The following PKIG variants were observed in gnomAD, a reference collection of about 807,000 sequenced individuals.
PKIG encodes cAMP-dependent protein kinase inhibitor gamma.
A neutral mutation model predicts 6.8 loss-of-function variants in PKIG; 1 was observed. The observed-to-expected ratio is 0.15, with a 90% CI of 0.05 to 0.69. The LOEUF is 0.69. Among genes scored for constraint, PKIG ranks in the 30% least tolerant of loss-of-function variants. The pLI is 0.82. For synonymous variants in PKIG, 39 were observed against 43.0 expected (o/e 0.91, Z 0.36); for missense variants, 77 against 104.0 (o/e 0.74, Z 1.13).
In PKIG at chr20:44,537,600, CAG is replaced by C. The variant is rs1291973200; in HGVS notation, c.-241+5625_-241+5626del. Among the ~76,000 whole-genome samples the C allele has an allele frequency of 2.0e-5, 3 of 149,396 alleles. No homozygotes were observed. In the South Asian group the frequency reaches 6.3e-4, roughly 32 times the overall value. ...TACTTACTTTTTTTTTTTTTTGAGA[CAG>C]AGTCTCACTCTGTCCCTCAGGCTGG... On this transcript the variant is annotated intron_variant, in intron 1 of 4. Transcript: ENST00000372887.
In PKIG at chr20:44,610,500, T is replaced by TCACACACACACACACACACACA. The variant is rs559846553; in HGVS notation, c.-23-4026_-23-4005dup. On this transcript the variant is annotated intron_variant, in intron 2 of 3. Transcript: ENST00000372886. ...TCTCTCTCTCTTCTCTCTCTCTCTCTCACACACACACACACACACACACAC... is the reference window on the plus strand; with the variant it reads ...TCTCTCTCTCTTCTCTCTCTCTCTCTCACACACACACACACACACACACACACACACACACACACACACACAC... Among the ~76,000 whole-genome samples the TCACACACACACACACACACACA allele has an allele frequency of 7.4e-3, 1,008 of 135,406 alleles. 7 individuals are homozygous for TCACACACACACACACACACACA. The highest frequency in any genetic ancestry group is 0.017 in the South Asian group (75 of 4,326). The allele number at this position is 135,406 out of a possible 152,430, so 88.8% of individuals were successfully genotyped here.
chr20:44,547,687 C>T (rs539017457), intron 1 of PKIG, among the ~76,000 whole-genome samples: 4 of 152,180 alleles, frequency 2.6e-5, no homozygotes, highest in African/African-American at 7.2e-5. Context: ...GGACACCGAC[C>T]TTTCTGAGCT....
At chr20:44,570,733 G>T (rs1410417652) in intron 1 of PKIG, among the ~76,000 whole-genome samples, 1 of 152,146 alleles carries the variant, frequency 6.6e-6, no homozygotes, top group Non-Finnish European at 1.5e-5. Context: ...GCAGTGAAAG[G>T]CAGTAAAGAA....
At chr20:44,603,247 G>C (rs2065137056) in intron 2 of PKIG, among the ~76,000 whole-genome samples, 1 of 152,152 alleles carries the variant, frequency 6.6e-6, no homozygotes, top group South Asian at 2.1e-4. Context: ...TGAATGAAAT[G>C]TCCAAAGGCA....
intron 3 of PKIG, among the ~76,000 whole-genome samples, chr20:44,616,361 C>A (rs1420488905): frequency 1.3e-5 from 2 of 152,200 alleles, no homozygotes; most frequent in Non-Finnish European, 2.9e-5. Flanking sequence ...GTGTTTGGCA[C>A]ATGATGGAGG....
chr20:44,578,629 G>A (rs575532153), upstream of PKIG, among the ~76,000 whole-genome samples: 106 of 152,246 alleles, frequency 7.0e-4, 2 homozygotes, highest in Middle Eastern at 0.017. Flanking sequence ...AGCTTCCTAA[G>A]GCCTCACCAG....
intron 2 of PKIG, among the ~76,000 whole-genome samples, chr20:44,593,874 C>T (rs1473839291): frequency 6.6e-6 from 1 of 152,096 alleles, no homozygotes; most frequent in African/African-American, 2.4e-5. Context: ...CTTAATAAAA[C>T]TGAAAAAAAT....
At chr20:44,576,296 A>G (rs2064897612) in intron 1 of PKIG, among the ~76,000 whole-genome samples, 2 of 151,662 alleles carry the variant, frequency 1.3e-5, no homozygotes, top group South Asian at 4.2e-4. Context: ...CATACTGTTG[A>G]CTTTGTGGAG....
intron 1 of PKIG, among the ~76,000 whole-genome samples, chr20:44,560,183 G>A (rs929640559): frequency 1.3e-5 from 2 of 152,140 alleles, no homozygotes; most frequent in African/African-American, 4.8e-5. Flanking sequence ...TGGGGAGGCG[G>A]AGGTTGCAGT....
intron 1 of PKIG, among the ~76,000 whole-genome samples, chr20:44,568,732 A>G (rs111227297): frequency 0.018 from 2,775 of 151,914 alleles, 89 homozygotes; most frequent in African/African-American, 0.064. Context: ...TACAGTCGTG[A>G]GCCACTGCAC....
intron 2 of PKIG, among the ~76,000 whole-genome samples, chr20:44,602,971 A>C (rs1348082576): frequency 2.0e-5 from 3 of 152,182 alleles, no homozygotes; most frequent in Non-Finnish European, 4.4e-5. Context: ...ATTGAACCAG[A>C]TCTTCAGCCA....
chr20:44,540,437 C>A (rs1172583435), intron 1 of PKIG, among the ~76,000 whole-genome samples: 1 of 152,134 alleles, frequency 6.6e-6, no homozygotes, highest in East Asian at 1.9e-4. Flanking sequence ...TGGGTGACTA[C>A]CAATTAACCA....
intron 1 of PKIG, among the ~76,000 whole-genome samples, chr20:44,544,925 C>CTTTTTTTTTTTTTTTTTTTT (rs796482642): frequency 1.1e-4 from 7 of 64,388 alleles, no homozygotes; most frequent in East Asian, 4.2e-4. Flanking sequence ...TTCCTTCTTT[C>CTTTTTTTTTTTTTTTTTTTT]TTTTTTTTTT....
chr20:44,568,319 A>AT (rs2064826673), intron 1 of PKIG, among the ~76,000 whole-genome samples: 1 of 152,154 alleles, frequency 6.6e-6, no homozygotes, highest in Non-Finnish European at 1.5e-5. Flanking sequence ...TATAGAAAAA[A>AT]TTTAAAATAC....
At chr20:44,609,286 A>T (rs1014867391) in intron 2 of PKIG, among the ~76,000 whole-genome samples, 2 of 152,104 alleles carry the variant, frequency 1.3e-5, no homozygotes, top group African/African-American at 4.8e-5. Flanking sequence ...AGTGGCCTGC[A>T]CTGGGCAGCC....
At chr20:44,616,785 C>T (rs969043360) in intron 3 of PKIG, among the ~76,000 whole-genome samples, 8 of 152,186 alleles carry the variant, frequency 5.3e-5, no homozygotes, top group African/African-American at 1.9e-4. Flanking sequence ...GCGGGCCACG[C>T]CCACTCCAGC....
At chr20:44,559,362 C>A (rs1165906450) in intron 1 of PKIG, among the ~76,000 whole-genome samples, 1 of 152,166 alleles carries the variant, frequency 6.6e-6, no homozygotes, top group South Asian at 2.1e-4. Flanking sequence ...ACATTTTATT[C>A]TTTTAAATGA....
At chr20:44,561,733 T>G (rs2064769071) in intron 1 of PKIG, among the ~76,000 whole-genome samples, 1 of 152,118 alleles carries the variant, frequency 6.6e-6, no homozygotes, top group African/African-American at 2.4e-5. Flanking sequence ...TCCTCCCACC[T>G]CAGGTAAATA....
intron 1 of PKIG, among the ~76,000 whole-genome samples, chr20:44,539,707 C>T (rs1351053799): frequency 6.6e-6 from 1 of 152,038 alleles, no homozygotes; most frequent in Non-Finnish European, 1.5e-5. Flanking sequence ...GCATGAGCCA[C>T]CATGCCCAGC....
Sources: gnomAD v4.1 joint callset for allele counts (sites outside exome capture counted in the v4.1 genomes callset) on GRCh38, gnomAD v4.1.1 for gene constraint, MANE v1.5 for transcripts, NCBI Gene and HGNC (gene_info 2026-07-23, HGNC 2026-07-21) for gene names.